Variants in ADAMTS9 observed in about 807,000 individuals in gnomAD.
ADAMTS9 encodes the protein A disintegrin and metalloproteinase with thrombospondin motifs 9.
ADAMTS9 carries 107 observed loss-of-function variants against 257.1 expected under a neutral mutation model. The observed-to-expected ratio is 0.42, with a 90% CI of 0.36 to 0.49. The LOEUF (loss-of-function observed/expected upper bound fraction) is 0.49. Among genes scored for constraint, ADAMTS9 ranks in the 20% least tolerant of loss-of-function variants. The pLI, the probability that ADAMTS9 is intolerant of heterozygous loss-of-function variation, is 0.03. For synonymous variants in ADAMTS9, 982 were observed against 880.9 expected (o/e 1.11, Z -2.03); for missense variants, 2,353 against 2,469.1 (o/e 0.95, Z 1.00).
At position 64,687,522 on chromosome 3, in the gene ADAMTS9, C is replaced by A; in HGVS notation, c.115+21G>T. ...GGCGGCGTCGGGGCCGGCGGGGTCCCGGGGGCCGGAGCCTGGTTACCTTGC... is the reference window on the plus strand; with the variant it reads ...GGCGGCGTCGGGGCCGGCGGGGTCCAGGGGGCCGGAGCCTGGTTACCTTGC... On this transcript the variant is annotated intron_variant, in intron 1 of 39. Transcript: ENST00000498707. This position sits in a 1 kb window ranked among gnomAD's most constrained non-coding sequence, Gnocchi z 4.4. The A allele has an allele frequency of 6.6e-7, 1 of 1,511,244 alleles. No homozygotes were observed. The highest frequency in any genetic ancestry group is 8.9e-7 in the Non-Finnish European group (1 of 1,124,520). 93.6% of individuals were successfully genotyped at this position (1,511,244 alleles called of 1,614,324 possible).
intron 38 of ADAMTS9, among the ~76,000 whole-genome samples, chr3:64,523,274 A>C (rs1050826790): frequency 2.0e-5 from 3 of 152,222 alleles, no homozygotes; most frequent in African/African-American, 7.2e-5. Context: ...AGTGGTTTTC[A>C]CTGGCTCTTA....
Position 64,655,605 on chromosome 3 carries a change from G to A in ADAMTS9, c.1140C>T (p.Ile380=), listed in dbSNP as rs778972363. The A allele has an allele frequency of 7.4e-6, 12 of 1,614,020 alleles. No individual in the cohort carries two copies. In the Admixed American group the frequency reaches 1.8e-4, roughly 25 times the overall value. ...TTAAGAGAACAGCAGTATCATGATG[G>A]ATTCCACCTGGACTGTTCTTCGAAT... ...WQHSKNSPGG[I]HHDTAVLLTR... The change falls in exon 6 of 40, where the codon ATC becomes ATT. Residue 380 remains isoleucine (I), a synonymous_variant. Coordinates refer to ENST00000498707, the MANE Select transcript of ADAMTS9 (RefSeq NM_182920.2).
At chr3:64,631,990 G>T in intron 14 of ADAMTS9, 65 bp from the exon 15 acceptor site, 1 of 1,251,528 alleles carries the variant, frequency 8.0e-7, no homozygotes, top group Non-Finnish European at 1.1e-6. Flanking sequence ...GGCAAATAAT[G>T]TGTTTCTTTT....
chr3:64,597,735 C>A (rs1376718317), intron 26 of ADAMTS9, among the ~76,000 whole-genome samples: 3 of 152,174 alleles, frequency 2.0e-5, no homozygotes, highest in East Asian at 1.9e-4. Flanking sequence ...ATTTCCCATA[C>A]AAGCCTCTCA....
At chr3:64,640,730 T>C (rs986113956) in intron 12 of ADAMTS9, among the ~76,000 whole-genome samples, 20 of 152,198 alleles carry the variant, frequency 1.3e-4, no homozygotes, top group African/African-American at 4.8e-4. Context: ...ACCTATTATT[T>C]TCTATTCCTT....
intron 28 of ADAMTS9, among the ~76,000 whole-genome samples, chr3:64,573,804 G>A (rs1163594129): frequency 6.6e-6 from 1 of 152,178 alleles, no homozygotes; most frequent in East Asian, 1.9e-4. Context: ...TCACACTGTT[G>A]GGGGAGGCAA....
At chr3:64,601,245 T>C (rs976197177) in intron 26 of ADAMTS9, among the ~76,000 whole-genome samples, 3 of 152,224 alleles carry the variant, frequency 2.0e-5, no homozygotes, top group Non-Finnish European at 1.5e-5. Flanking sequence ...ATCTGCATCA[T>C]CTTATTTAAT....
At chr3:64,584,755 ATC>A (rs1348627953) in intron 28 of ADAMTS9, among the ~76,000 whole-genome samples, 2 of 151,822 alleles carry the variant, frequency 1.3e-5, no homozygotes, top group Admixed American at 6.6e-5. Flanking sequence ...TGCTCCCCCC[ATC>A]TCTCTCTCTA....
intron 4 of ADAMTS9, 45 bp from the exon 5 acceptor site, chr3:64,655,920 T>A (rs1464625962): frequency 3.2e-6 from 4 of 1,246,140 alleles, no homozygotes; most frequent in Non-Finnish European, 3.4e-6. Flanking sequence ...GAACTCCGTG[T>A]AAGCAATAAG....
At chr3:64,632,191 A>T (rs1700383540) in intron 14 of ADAMTS9, among the ~76,000 whole-genome samples, 1 of 152,204 alleles carries the variant, frequency 6.6e-6, no homozygotes, top group Non-Finnish European at 1.5e-5. Context: ...TTGGCATTTT[A>T]ATAGGATTCC....
rs1317153907 is a variant in ADAMTS9, at chr3:64,681,241, C to A, written c.639G>T (p.Gln213His). ...CATGCCTTCCTGTTGAGGGCTCTCT[C>A]TGGGGGGCGCTGCGCCTATAAATGA... The part of the protein sequence containing the change: ...PHIIYRRSAP[Q>H]REPSTGRHAC... Residue 213 changes from glutamine to histidine, a missense_variant, in exon 3 of 40, where the codon CAG (glutamine) becomes CAT (histidine). Gln to His is a conservative substitution (Grantham distance 24). Around this residue, in one of 3 missense-constraint regions of ADAMTS9, gnomAD observed 591 missense variants for 569.6 expected, o/e 1.04. Transcript: ENST00000498707. The A allele has an allele frequency of 1.2e-6, 2 of 1,613,958 alleles. No homozygotes were observed. Among genetic ancestry groups the A allele is most frequent in the Admixed American group, 1.7e-5 (1 of 60,004 alleles).
At chr3:64,555,321 G>A (rs557695795) in intron 30 of ADAMTS9, among the ~76,000 whole-genome samples, 7 of 152,272 alleles carry the variant, frequency 4.6e-5, no homozygotes, top group African/African-American at 1.4e-4. Context: ...TAGGAGGTGC[G>A]GTGGGGAGAA....
chr3:64,687,604 G>A lies in ADAMTS9; in HGVS notation c.54C>T (p.Ala18=), dbSNP rs768396599. The A allele has an allele frequency of 3.2e-6, 5 of 1,585,692 alleles. No individual in the cohort carries two copies. The highest frequency in any genetic ancestry group is 2.7e-5 in the African/African-American group (2 of 73,884). ...CCGCGGCGTCTGGGCTCCCCATCTC[G>A]GCCAGGTCCCGCACCAGGAGCGTTA... ...TLLTLLVRDL[A]EMGSPDAAAA... The change falls in exon 1 of 40, where the codon GCC becomes GCT. Residue 18 remains alanine, a synonymous_variant. Coordinates refer to ENST00000498707, the MANE Select transcript of ADAMTS9 (RefSeq NM_182920.2). The surrounding 1 kb of genome is among the most constrained non-coding windows in gnomAD (Gnocchi z 4.4).
intron 11 of ADAMTS9, among the ~76,000 whole-genome samples, chr3:64,643,355 T>A (rs1700705040): frequency 6.6e-6 from 1 of 150,808 alleles, no homozygotes; most frequent in Admixed American, 6.6e-5. Flanking sequence ...AAAAAACTAA[T>A]AAAAAACTTA....
chr3:64,655,553 T>C (rs1701047303), intron 6 of ADAMTS9, 23 bp downstream of exon 6: 1 of 1,572,672 alleles, frequency 6.4e-7, no homozygotes, highest in South Asian at 1.1e-5. Flanking sequence ...CTGAAAGATC[T>C]GAGGAATAAG....
At chr3:64,529,226 G>A (rs2082947574) in intron 38 of ADAMTS9, among the ~76,000 whole-genome samples, 1 of 152,192 alleles carries the variant, frequency 6.6e-6, no homozygotes, top group Non-Finnish European at 1.5e-5. Flanking sequence ...GCTCTCCATT[G>A]TTCACAAGGA....
At chr3:64,618,983 T>C (rs9861652) in intron 19 of ADAMTS9, among the ~76,000 whole-genome samples, 1 of 152,152 alleles carries the variant, frequency 6.6e-6, no homozygotes, top group African/African-American at 2.4e-5. Context: ...GTGGCTCACT[T>C]TGGAATCTGC....
chr3:64,633,512 C>A lies in ADAMTS9; in HGVS notation c.2135G>T (p.Gly712Val), dbSNP rs1313225584. ...RDRVIDGTPCGQDTNDICVQG... is the reference protein window; with the variant it reads ...RDRVIDGTPCVQDTNDICVQG... ...GACACAGATATCATTTGTGTCCTGGCCACAAGGAGTTCCATCTATCACTCT... is the reference window on the plus strand; with the variant it reads ...GACACAGATATCATTTGTGTCCTGGACACAAGGAGTTCCATCTATCACTCT... Residue 712 changes from glycine to valine, a missense_variant, in exon 14 of 40, where the codon GGC becomes GTC. Gly to Val is a moderately radical substitution (Grantham distance 109). Transcript: ENST00000498707. 1.2e-6 allele frequency: 2 copies of A among 1,614,042 alleles called. No individual in the cohort carries two copies. Among genetic ancestry groups the A allele is most frequent in the Non-Finnish European group, 1.7e-6 (2 of 1,179,986 alleles).
At chr3:64,635,054 A>G (rs1311408242) in intron 12 of ADAMTS9, among the ~76,000 whole-genome samples, 1 of 152,084 alleles carries the variant, frequency 6.6e-6, no homozygotes, top group Non-Finnish European at 1.5e-5. Flanking sequence ...AGATGCCATA[A>G]AATGTTACCT....
Sources: gnomAD v4.1 joint callset for allele counts (sites outside exome capture counted in the v4.1 genomes callset) on GRCh38, gnomAD v4.1.1 for gene constraint, gnomAD v4.1.1 regional missense constraint, Gnocchi (gnomAD v3.1) non-coding constraint, MANE v1.5 for transcripts, NCBI Gene and HGNC (gene_info 2026-07-23, HGNC 2026-07-21) for gene names.